The following IL16 variants were observed in gnomAD, a reference collection of about 807,000 sequenced individuals.
The protein encoded by IL16 is pro-interleukin-16.
Under a neutral mutation model 110.1 loss-of-function variants are expected in IL16, and 67 were observed. The observed-to-expected ratio is 0.61, with a 90% CI of 0.50 to 0.75. The LOEUF (loss-of-function observed/expected upper bound fraction) is 0.75, where lower values mean the gene tolerates loss of function less well. IL16 is among the 30% of genes least tolerant of loss of function. The probability of loss-of-function intolerance (pLI) is 0.00; values close to 1 mark genes in which losing one functional copy is unlikely to be tolerated. For missense variants in IL16, 1,545 were observed against 1,655.0 expected, an observed-to-expected ratio of 0.93 and a Z score of 1.15; for synonymous variants, 689 against 662.9, an observed-to-expected ratio of 1.04 and a Z score of -0.61.
rs1165533887 is a variant in IL16, at chr15:81,282,491, G to T, written c.1082-148G>T. The T allele has an allele frequency of 5.9e-6, 4 of 675,900 alleles. No homozygotes were observed. In the African/African-American group the frequency reaches 7.0e-5, roughly 12 times the overall value. The allele number at this position is 675,900 out of a possible 1,614,324, so 41.9% of individuals were successfully genotyped here. On this transcript the variant is annotated intron_variant, in intron 8 of 18. Transcript: ENST00000683961. ...TGGTCACTGTTCTGACCCTAGAGCG[G>T]TGCCTGCACACAACGACTACTCTGT... is the stretch of plus-strand genomic sequence containing the variant.
upstream of IL16, among the ~76,000 whole-genome samples, chr15:81,193,271 G>T (rs571274500): frequency 6.6e-6 from 1 of 152,250 alleles, no homozygotes; most frequent in East Asian, 1.9e-4. Flanking sequence ...ATTAGGGGGG[G>T]AATCAAGAGT....
chr15:81,301,262 C>A (rs958457281), intron 14 of IL16, 82 bp from the exon 15 acceptor site: 4 of 1,301,662 alleles, frequency 3.1e-6, no homozygotes, highest in Non-Finnish European at 4.2e-6. Context: ...GGCACCACAC[C>A]TGGGACATAG....
chr15:81,229,386 G>A (rs543886678), intron 2 of IL16, among the ~76,000 whole-genome samples: 22 of 152,022 alleles, frequency 1.4e-4, no homozygotes, highest in Non-Finnish European at 2.8e-4. Flanking sequence ...ATATGGGCTC[G>A]CAGGGGCTTG....
At chr15:81,186,358 G>A (rs1268562516) in intron 1 of IL16, among the ~76,000 whole-genome samples, 3 of 152,194 alleles carry the variant, frequency 2.0e-5, no homozygotes, top group Non-Finnish European at 4.4e-5. Flanking sequence ...ACCAGGTGGT[G>A]AGTGGCAGGA....
In IL16 at chr15:81,288,848, T is replaced by TGTGTGTGTGTGTGC. The variant is rs544352797; in HGVS notation, c.1333-1604_1333-1603insTGTGTGTGTGTGCG. ...ATGTGTATGTGTGTGTGTGTGTGTG[T>TGTGTGTGTGTGTGC]GCGTGTGTGTGTATCACATGCTGTT... is the stretch of plus-strand genomic sequence containing the variant. On this transcript the variant is annotated intron_variant, in intron 10 of 18. Transcript: ENST00000683961. Among the ~76,000 whole-genome samples, 951 of 150,852 alleles carry TGTGTGTGTGTGTGC rather than the reference T, an allele frequency of 6.3e-3. 10 individuals carry two copies. The highest frequency in any genetic ancestry group is 0.022 in the African/African-American group (884 of 40,640).
intron 2 of IL16, among the ~76,000 whole-genome samples, chr15:81,234,046 T>C (rs1272287279): frequency 6.6e-6 from 1 of 152,194 alleles, no homozygotes; most frequent in Non-Finnish European, 1.5e-5. Context: ...TGACTAGTGC[T>C]GATTTTTTTC....
chr15:81,185,111 A>G (rs894127238), intron 1 of IL16, among the ~76,000 whole-genome samples: 9 of 152,104 alleles, frequency 5.9e-5, no homozygotes, highest in African/African-American at 1.9e-4. Context: ...GGGTTTGAGG[A>G]GGATTCTGCT....
chr15:81,185,186 C>T (rs902130275), intron 1 of IL16, among the ~76,000 whole-genome samples: 2 of 152,122 alleles, frequency 1.3e-5, no homozygotes, highest in African/African-American at 2.4e-5. Flanking sequence ...ACATGACACA[C>T]TGCCATATGT....
intron 2 of IL16, among the ~76,000 whole-genome samples, chr15:81,243,386 T>C (rs1376923109): frequency 2.0e-5 from 3 of 151,214 alleles, no homozygotes; most frequent in Non-Finnish European, 4.4e-5. Context: ...AATTTTGCCA[T>C]GTTGCCCAGT....
At chr15:81,209,525 C>G (rs775319187) in intron 1 of IL16, among the ~76,000 whole-genome samples, 4 of 152,034 alleles carry the variant, frequency 2.6e-5, no homozygotes, top group South Asian at 2.1e-4. Context: ...AACCTGAGCT[C>G]TCTTGTTCTT....
In IL16 at chr15:81,299,522, C is replaced by T. The variant is rs764657709; in HGVS notation, c.2196C>T (p.Asn732=). ...TATTTAGCCCCATCATGAGTGAGAA[C>T]CATGGCCACATGCCTCTACAGCCCA... ...KNLFSPIMSE[N]HGHMPLQPNA... Residue 732 remains asparagine, a synonymous_variant, in exon 14 of 19, where the codon AAC becomes AAT. Transcript: ENST00000683961. 1 of 1,614,146 alleles carries T rather than the reference C, an allele frequency of 6.2e-7. No individual in the cohort carries two copies. Among genetic ancestry groups the T allele is most frequent in the South Asian group, 1.1e-5 (1 of 91,076 alleles).
chr15:81,299,200 C>T, intron 13 of IL16, 180 bp from the exon 14 acceptor site: 2 of 938,054 alleles, frequency 2.1e-6, no homozygotes, highest in South Asian at 2.6e-5. Flanking sequence ...TCCTTCACTC[C>T]TGCCTGTTGG....
chr15:81,215,321 G>A (rs549661747), intron 1 of IL16, among the ~76,000 whole-genome samples: 3 of 152,338 alleles, frequency 2.0e-5, no homozygotes, highest in Admixed American at 2.0e-4. Flanking sequence ...GAGGATCAGA[G>A]CTCTGCACAG....
intron 2 of IL16, among the ~76,000 whole-genome samples, chr15:81,229,092 T>G (rs533599480): frequency 6.6e-6 from 1 of 152,192 alleles, no homozygotes; most frequent in Non-Finnish European, 1.5e-5. Context: ...ATTAAGCACT[T>G]AATGAATTCA....
intron 2 of IL16, among the ~76,000 whole-genome samples, chr15:81,234,082 G>A (rs994654544): frequency 1.3e-5 from 2 of 152,058 alleles, no homozygotes; most frequent in East Asian, 3.9e-4. Flanking sequence ...TACTAGTATA[G>A]CTTCACCACT....
intron 2 of IL16, among the ~76,000 whole-genome samples, chr15:81,245,069 A>G (rs1360401733): frequency 1.3e-5 from 2 of 152,010 alleles, no homozygotes; most frequent in African/African-American, 2.4e-5. Flanking sequence ...CATGTTTGCA[A>G]TTGCTTATTT....
At chr15:81,201,155 C>CTGTGTG (rs142114710) in intron 1 of IL16, among the ~76,000 whole-genome samples, 1 of 150,616 alleles carries the variant, frequency 6.6e-6, no homozygotes, top group East Asian at 1.9e-4. Context: ...GTGTGTGTCT[C>CTGTGTG]TGTGTGTGTG....
upstream of IL16, among the ~76,000 whole-genome samples, chr15:81,196,197 G>C (rs143436218): frequency 5.3e-5 from 8 of 152,344 alleles, no homozygotes; most frequent in African/African-American, 1.9e-4. Flanking sequence ...GCACAGACAA[G>C]AAATGAAATG....
rs955892371 is a variant in IL16, at chr15:81,303,348, T to C, written c.3319-201T>C. The C allele has an allele frequency of 7.8e-6, 4 of 515,896 alleles. No individual in the cohort carries two copies. In the African/African-American group the frequency reaches 1.0e-4, roughly 13 times the overall value. 32.0% of individuals were successfully genotyped at this position (515,896 alleles called of 1,614,324 possible). A position where few individuals can be genotyped will look rare whatever the true frequency, so the allele number is the denominator to read the frequency against. On this transcript the variant is annotated intron_variant, in intron 15 of 18. Coordinates refer to ENST00000683961, the MANE Select transcript of IL16 (RefSeq NM_172217.5). This position sits in a 1 kb window ranked among gnomAD's most constrained non-coding sequence, Gnocchi z 4.1. ...ATTATGCTTGCTGCTTTACATACAT[T>C]TTTTTTTTCTTCTAAGCTTCCCATG...
Sources: allele counts gnomAD v4.1 joint callset (sites outside exome capture counted in the v4.1 genomes callset), GRCh38; gene constraint gnomAD v4.1.1; non-coding constraint Gnocchi (gnomAD v3.1); transcripts MANE v1.5; gene names NCBI Gene and HGNC (gene_info 2026-07-23, HGNC 2026-07-21).